Variants in AUTS2 observed in about 807,000 individuals in gnomAD.
AUTS2 encodes the protein autism susceptibility gene 2 protein.
AUTS2 carries 17 observed loss-of-function variants against 112.4 expected under a neutral mutation model. That is an observed-to-expected ratio of 0.15 (90% CI 0.10 to 0.23). The LOEUF is 0.23. Ranked by LOEUF, AUTS2 falls within the 10% of genes least tolerant of loss-of-function variation. The pLI is 1.00. For synonymous variants in AUTS2, 751 were observed against 702.7 expected (o/e 1.07, Z -1.09); for missense variants, 1,510 against 1,701.6 (o/e 0.89, Z 1.98).
intron 6 of AUTS2, among the ~76,000 whole-genome samples, chr7:70,713,573 A>G (rs1810178859): frequency 6.6e-6 from 1 of 152,230 alleles, no homozygotes; most frequent in Non-Finnish European, 1.5e-5. Flanking sequence ...TTTAGCCTGC[A>G]TCAAAATTAG....
chr7:69,608,486 T>G (rs1792854461), intron 1 of AUTS2, among the ~76,000 whole-genome samples: 1 of 152,242 alleles, frequency 6.6e-6, no homozygotes, highest in Non-Finnish European at 1.5e-5. Flanking sequence ...GTTGTTATGT[T>G]GAAGTAGACT....
intron 1 of AUTS2, among the ~76,000 whole-genome samples, chr7:69,712,638 A>C (rs1030300315): frequency 2.6e-5 from 4 of 152,230 alleles, no homozygotes; most frequent in African/African-American, 9.6e-5. Context: ...TGAGCATTTG[A>C]GTAATACCAG....
intron 4 of AUTS2, among the ~76,000 whole-genome samples, chr7:70,240,858 T>A (rs1554345410): frequency 6.6e-6 from 1 of 152,174 alleles, no homozygotes; most frequent in Non-Finnish European, 1.5e-5. Flanking sequence ...TCCTTTTCAC[T>A]CACCACCACA....
intron 4 of AUTS2, among the ~76,000 whole-genome samples, chr7:70,243,807 G>GATAT (rs1371183351): frequency 1.3e-5 from 2 of 152,084 alleles, no homozygotes; most frequent in African/African-American, 4.8e-5. Context: ...TCTTAACAGG[G>GATAT]ATATGGCTTG....
chr7:70,725,052 A>T (rs979228407), intron 6 of AUTS2, among the ~76,000 whole-genome samples: 1 of 152,218 alleles, frequency 6.6e-6, no homozygotes, highest in Non-Finnish European at 1.5e-5. Context: ...ACTATGGTAC[A>T]TTTATGTAGG....
rs1385888707 is a variant in AUTS2 at position 70,278,075 on chromosome 7, A to G, written c.660+143504A>G. ...ACCATTCTTCCCTTTAATCTGGTGC[A>G]TCTGAACATATTCCTGGGCAGAAGG... On this transcript the variant is annotated intron_variant, in intron 4 of 18. Transcript: ENST00000342771. Among the ~76,000 whole-genome samples the G allele has an allele frequency of 3.3e-5, 5 of 151,980 alleles. No individual in the cohort carries two copies. In the East Asian group the frequency reaches 5.8e-4, roughly 18 times the overall value.
chr7:70,383,713 G>T (rs1793478675), intron 4 of AUTS2, among the ~76,000 whole-genome samples: 1 of 152,166 alleles, frequency 6.6e-6, no homozygotes, highest in South Asian at 2.1e-4. Flanking sequence ...TCTGTCTAGG[G>T]ACATCTCCAT....
intron 1 of AUTS2, among the ~76,000 whole-genome samples, chr7:69,690,927 G>A (rs1797315444): frequency 6.7e-6 from 1 of 149,276 alleles, no homozygotes; most frequent in Admixed American, 6.6e-5. Flanking sequence ...GAGCTCTTAG[G>A]AGATCAGAAG....
chr7:69,684,515 G>C (rs1796969759), intron 1 of AUTS2, among the ~76,000 whole-genome samples: 1 of 152,016 alleles, frequency 6.6e-6, no homozygotes, highest in South Asian at 2.1e-4. Context: ...CCAGACATTT[G>C]GCCCTGACTG....
chr7:70,440,601 G>T (rs1562958526), intron 5 of AUTS2, among the ~76,000 whole-genome samples: 1 of 152,164 alleles, frequency 6.6e-6, no homozygotes, highest in Non-Finnish European at 1.5e-5. Flanking sequence ...GGTTTCCCCA[G>T]AATCTGAGGC....
chr7:69,661,956 C>T (rs975264901), intron 1 of AUTS2, among the ~76,000 whole-genome samples: 6 of 152,170 alleles, frequency 3.9e-5, no homozygotes, highest in Non-Finnish European at 8.8e-5. Flanking sequence ...GGGGGATTCT[C>T]CTGGGCGTAT....
At chr7:70,048,028 A>G (rs1326352330) in intron 2 of AUTS2, among the ~76,000 whole-genome samples, 1 of 152,188 alleles carries the variant, frequency 6.6e-6, no homozygotes, top group Non-Finnish European at 1.5e-5. Flanking sequence ...TACTTGAGGT[A>G]GTCATGATCT....
At chr7:70,759,050 T>C (rs60651927) in intron 6 of AUTS2, among the ~76,000 whole-genome samples, 3,089 of 152,348 alleles carry the variant, frequency 0.02, 112 homozygotes, top group African/African-American at 0.069. Flanking sequence ...CTTTCAGGGC[T>C]GGCTGAAGTG....
chr7:70,081,162 A>G (rs1024743345), intron 2 of AUTS2, among the ~76,000 whole-genome samples: 1 of 152,086 alleles, frequency 6.6e-6, no homozygotes, highest in African/African-American at 2.4e-5. Flanking sequence ...TGTTGCGATA[A>G]TGGGAGAAAT....
chr7:70,107,180 T>C (rs113269433), intron 2 of AUTS2, among the ~76,000 whole-genome samples: 2 of 152,224 alleles, frequency 1.3e-5, no homozygotes, highest in African/African-American at 4.8e-5. Flanking sequence ...TGAAATTACA[T>C]ATGATCACTG....
At chr7:69,911,856 G>C (rs1030283349) in intron 2 of AUTS2, among the ~76,000 whole-genome samples, 1 of 152,172 alleles carries the variant, frequency 6.6e-6, no homozygotes, top group Non-Finnish European at 1.5e-5. Flanking sequence ...AGACTCCACC[G>C]GGAACTGGCA....
chr7:69,876,345 A>ATATATAT lies in AUTS2; in HGVS notation c.310-22941_310-22940insTATATAT, dbSNP rs1413993760. Reference sequence around the variant, plus strand: ...TGTCTCAAAAAAAAAAAAAAAAAAAAAAAAATATATATATATATATATATA... The same window carrying ATATATAT: ...TGTCTCAAAAAAAAAAAAAAAAAAAATATATATAAAAATATATATATATATATATATA... On this transcript the variant is annotated intron_variant, in intron 1 of 18. Coordinates refer to ENST00000342771, the MANE Select transcript of AUTS2 (RefSeq NM_015570.4). Among the ~76,000 whole-genome samples, 5 of 66,122 alleles carry ATATATAT rather than the reference A, an allele frequency of 7.6e-5. 1 individual carries two copies. The highest frequency in any genetic ancestry group is 1.1e-4 in the Non-Finnish European group (4 of 35,518). 43.4% of individuals were successfully genotyped at this position (66,122 alleles called of 152,430 possible).
intron 1 of AUTS2, among the ~76,000 whole-genome samples, chr7:69,691,942 G>C (rs1282907451): frequency 6.6e-6 from 1 of 152,186 alleles, no homozygotes; most frequent in Non-Finnish European, 1.5e-5. Context: ...GAGCCAAGTA[G>C]ACTGACCTGT....
chr7:69,988,094 A>G (rs149840309), intron 2 of AUTS2, among the ~76,000 whole-genome samples: 166 of 152,336 alleles, frequency 1.1e-3, no homozygotes, highest in African/African-American at 3.8e-3. Context: ...AGATGTGGTA[A>G]GTGCCTCTTG....
Sources: allele counts gnomAD v4.1 joint callset (sites outside exome capture counted in the v4.1 genomes callset), GRCh38; gene constraint gnomAD v4.1.1; transcripts MANE v1.5; gene names NCBI Gene and HGNC (gene_info 2026-07-23, HGNC 2026-07-21).